Variants in IGF1R observed in about 807,000 individuals in gnomAD.
IGF1R encodes the protein insulin-like growth factor 1 receptor.
In IGF1R, 44 loss-of-function variants were observed where a neutral mutation model predicts 144.6. That is an observed-to-expected ratio of 0.30 (90% CI 0.24 to 0.39). The LOEUF is 0.39. Ranked by LOEUF, IGF1R falls within the 10% of genes least tolerant of loss-of-function variation. IGF1R has a pLI of 1.00. For missense variants in IGF1R, 1,355 were observed against 1,833.7 expected (o/e 0.74, Z 4.77); for synonymous variants, 795 against 722.8 (o/e 1.10, Z -1.60).
chr15:98,721,468 T>A (rs1260099860), intron 2 of IGF1R, among the ~76,000 whole-genome samples: 1 of 152,142 alleles, frequency 6.6e-6, no homozygotes, highest in Non-Finnish European at 1.5e-5. Flanking sequence ...CCCCACTTAG[T>A]GTCTGAGTGG....
At chr15:98,924,743 C>A in intron 13 of IGF1R, 59 bp downstream of exon 13, 1 of 1,455,754 alleles carries the variant, frequency 6.9e-7, no homozygotes, top group Non-Finnish European at 9.6e-7. Context: ...GGTCCAGGAT[C>A]AGGACAGCCC....
At chr15:98,789,646 C>T (rs998901505) in intron 2 of IGF1R, among the ~76,000 whole-genome samples, 3 of 152,116 alleles carry the variant, frequency 2.0e-5, no homozygotes, top group South Asian at 2.1e-4. Flanking sequence ...CATTGGGCCA[C>T]GCAGCTTTTT....
chr15:98,847,330 C>T (rs942216737), intron 2 of IGF1R, among the ~76,000 whole-genome samples: 3 of 152,074 alleles, frequency 2.0e-5, no homozygotes, highest in South Asian at 2.1e-4. Flanking sequence ...TGGAAAGCTC[C>T]GTAGATGCCG....
rs536288646 is a variant in IGF1R at position 98,865,674 on chromosome 15, C to A, written c.641-25651C>A. ...ATTTGGAAATGCGTAAAAGGTTTTT[C>A]ATTTGTCCTTGACCACGTGGTCCAA... On this transcript the variant is annotated intron_variant, in intron 2 of 20. Coordinates refer to ENST00000650285, the MANE Select transcript of IGF1R (RefSeq NM_000875.5). Among the ~76,000 whole-genome samples the A allele has an allele frequency of 2.6e-5, 4 of 152,268 alleles. No homozygotes were observed. The South Asian group carries it at 8.3e-4, about 32-fold the overall frequency.
intron 2 of IGF1R, among the ~76,000 whole-genome samples, chr15:98,728,538 C>T (rs1283763001): frequency 6.6e-6 from 1 of 152,244 alleles, no homozygotes; most frequent in East Asian, 1.9e-4. Flanking sequence ...GGTCTCATGA[C>T]ATGTGCTTTG....
chr15:98,677,638 C>T (rs1000932644), intron 1 of IGF1R, among the ~76,000 whole-genome samples: 2 of 152,166 alleles, frequency 1.3e-5, no homozygotes, highest in Non-Finnish European at 2.9e-5. Flanking sequence ...GTTTGTTCAT[C>T]CTTAGCCTGT....
rs1318252137 is a variant in IGF1R, at chr15:98,958,044, C to CT, written c.*605dup. On this transcript the variant is annotated 3_prime_UTR_variant, in exon 21 of 21. Coordinates refer to ENST00000650285, the MANE Select transcript of IGF1R (RefSeq NM_000875.5). ...TGCCTAATTTTGCCAAAATCCTGAA[C>CT]TTTCTCCCTCATCGGCCCGGCGCTG... 1 of 234,200 alleles carries CT rather than the reference C, an allele frequency of 4.3e-6. No individual in the cohort carries two copies. Among genetic ancestry groups the CT allele is most frequent in the Admixed American group, 5.6e-5 (1 of 17,894 alleles). 14.5% of individuals were successfully genotyped at this position (234,200 alleles called of 1,614,324 possible). A position where few individuals can be genotyped will look rare whatever the true frequency, so the allele number is the denominator to read the frequency against.
intron 2 of IGF1R, among the ~76,000 whole-genome samples, chr15:98,762,600 T>A (rs7176608): frequency 0.2 from 30,517 of 151,560 alleles, 3,487 homozygotes; most frequent in South Asian, 0.31. Flanking sequence ...TGGTGGCACG[T>A]GCCTGTAATC....
intron 2 of IGF1R, among the ~76,000 whole-genome samples, chr15:98,888,821 A>G (rs1043953256): frequency 6.6e-6 from 1 of 152,226 alleles, no homozygotes; most frequent in East Asian, 1.9e-4. Context: ...TCTCACATCT[A>G]AAGAAGTCTG....
At chr15:98,776,278 G>A (rs531003120) in intron 2 of IGF1R, among the ~76,000 whole-genome samples, 22 of 151,536 alleles carry the variant, frequency 1.5e-4, no homozygotes, top group South Asian at 6.3e-4. Flanking sequence ...TCCGCCTCCC[G>A]GGTTCCAGCA....
rs943519906 is a variant in IGF1R, at chr15:98,962,673, G to A, written c.*5231G>A. On this transcript the variant is annotated 3_prime_UTR_variant, in exon 21 of 21. Coordinates refer to ENST00000650285, the MANE Select transcript of IGF1R (RefSeq NM_000875.5). ...ATTGTCACAGGGATCCTGGCACAGA[G>A]AAGAGTTACGAGCAGCAGGGTGCAG... is the stretch of plus-strand genomic sequence containing the variant. 4 of 233,744 alleles carry A rather than the reference G, an allele frequency of 1.7e-5. No homozygotes were observed. Among genetic ancestry groups the A allele is most frequent in the African/African-American group, 4.4e-5 (2 of 45,342 alleles). The allele number at this position is 233,744 out of a possible 1,614,324, so 14.5% of individuals were successfully genotyped here.
intron 2 of IGF1R, among the ~76,000 whole-genome samples, chr15:98,843,734 A>G (rs1447423040): frequency 1.3e-5 from 2 of 152,180 alleles, no homozygotes; most frequent in African/African-American, 4.8e-5. Flanking sequence ...CGCTGGTTAT[A>G]GGTCTTCAGT....
intron 10 of IGF1R, among the ~76,000 whole-genome samples, chr15:98,917,922 G>A (rs1211546538): frequency 1.3e-5 from 2 of 152,180 alleles, no homozygotes; most frequent in African/African-American, 4.8e-5. Context: ...AATGATGATA[G>A]CTGTACCATT....
At position 98,829,368 on chromosome 15, in the gene IGF1R, TA is replaced by T. The variant is rs34595229; in HGVS notation, c.641-61944del. 6.8e-4 allele frequency among the ~76,000 whole-genome samples: 100 copies of T among 147,694 alleles called. 5 individuals carry two copies. Among genetic ancestry groups the T allele is most frequent in the East Asian group, 3.1e-3 (16 of 5,100 alleles). On this transcript the variant is annotated intron_variant, in intron 2 of 20. Transcript: ENST00000650285. Reference sequence around the variant, plus strand: ...TCCAGAGTGAAAGCTGCTATTACTTTAAAAAAAAAAAAACTTGAGGTTTGGT... The same window carrying T: ...TCCAGAGTGAAAGCTGCTATTACTTTAAAAAAAAAAAACTTGAGGTTTGGT...
At chr15:98,909,251 C>CTTTTTTTTCTTTTT (rs2014880703) in intron 6 of IGF1R, among the ~76,000 whole-genome samples, 3 of 38,892 alleles carry the variant, frequency 7.7e-5, no homozygotes, top group African/African-American at 1.1e-4. Context: ...TCTTTTTTTT[C>CTTTTTTTTCTTTTT]TTTTTTTTTC....
Position 98,924,680 on chromosome 15 carries a change from C to G in IGF1R, c.2778C>G (p.Ala926=), listed in dbSNP as rs779696157. ...ATCCTGTGTTCTTCTATGTCCAGGCCAAAAGTAAGGCTTGTGGAGGGAGAA... is the reference window on the plus strand; with the variant it reads ...ATCCTGTGTTCTTCTATGTCCAGGCGAAAAGTAAGGCTTGTGGAGGGAGAA... The part of the protein sequence containing the change: ...WTDPVFFYVQ[A]KTGYENFIHL... The change falls in exon 13 of 21, where the codon GCC becomes GCG. Residue 926 remains alanine, a synonymous_variant. Transcript: ENST00000650285. The G allele has an allele frequency of 1.1e-5, 18 of 1,613,306 alleles. No individual in the cohort carries two copies. Among genetic ancestry groups the G allele is most frequent in the Non-Finnish European group, 1.5e-5 (18 of 1,179,826 alleles).
intron 1 of IGF1R, among the ~76,000 whole-genome samples, chr15:98,651,725 T>A (rs1260352821): frequency 6.6e-6 from 1 of 152,168 alleles, no homozygotes; most frequent in African/African-American, 2.4e-5. Context: ...TGTTTTAATG[T>A]ATGTTTTTAC....
chr15:98,892,268 T>A (rs2013961005), intron 3 of IGF1R, among the ~76,000 whole-genome samples: 1 of 152,168 alleles, frequency 6.6e-6, no homozygotes, highest in Non-Finnish European at 1.5e-5. Flanking sequence ...AGAAGTTCCT[T>A]ATGGCCAGGC....
intron 10 of IGF1R, among the ~76,000 whole-genome samples, chr15:98,919,427 GT>G (rs916327306): frequency 5.5e-4 from 84 of 152,194 alleles, no homozygotes; most frequent in African/African-American, 2.0e-3. Context: ...GTGAGTCAAG[GT>G]TTTGGAAAGA....
Sources: allele counts gnomAD v4.1 joint callset (sites outside exome capture counted in the v4.1 genomes callset), GRCh38; gene constraint gnomAD v4.1.1; transcripts MANE v1.5; gene names NCBI Gene and HGNC (gene_info 2026-07-23, HGNC 2026-07-21).